Variants in RCOR1 observed in about 807,000 individuals in gnomAD.
RCOR1 encodes the protein REST corepressor.
A neutral mutation model predicts 64.0 loss-of-function variants in RCOR1; 12 were observed. The ratio of observed to expected loss-of-function variants is 0.19; its 90% CI spans 0.12 to 0.30. RCOR1 has a LOEUF of 0.30. RCOR1 is among the 10% of genes least tolerant of loss of function. The probability of loss-of-function intolerance (pLI) is 1.00; values close to 1 mark genes in which losing one functional copy is unlikely to be tolerated. For synonymous variants in RCOR1, 279 were observed against 227.2 expected (o/e 1.23, Z -2.05); for missense variants, 502 against 621.2 (o/e 0.81, Z 2.04).
At chr14:102,655,194 A>G in intron 2 of RCOR1, 1 of 940,536 alleles carries the variant, frequency 1.1e-6, no homozygotes, top group African/African-American at 1.8e-5. Flanking sequence ...CAAAATTAAA[A>G]GATGCAAAAG....
intron 2 of RCOR1, among the ~76,000 whole-genome samples, chr14:102,667,236 C>T (rs1894931977): frequency 6.6e-6 from 1 of 152,094 alleles, no homozygotes; most frequent in Admixed American, 6.6e-5. Flanking sequence ...CGTAGTGGCT[C>T]ACACCTGTAA....
rs187676398 is a variant in RCOR1 at position 102,685,359 on chromosome 14, T to A, written c.445+3381T>A. Among the ~76,000 whole-genome samples, 323 of 152,292 alleles carry A rather than the reference T, an allele frequency of 2.1e-3. 4 individuals are homozygous for A. The highest frequency in any genetic ancestry group is 7.5e-3 in the African/African-American group (313 of 41,562). On this transcript the variant is annotated intron_variant, in intron 3 of 11. Coordinates refer to ENST00000262241, the MANE Select transcript of RCOR1 (RefSeq NM_015156.4). ...GATGTATCATAATTTAGCCTTTTTT[T>A]AAACAAAATTACCTGTATTACCTAT...
chr14:102,618,521 T>G (rs1893809055), intron 2 of RCOR1, among the ~76,000 whole-genome samples: 1 of 151,970 alleles, frequency 6.6e-6, no homozygotes, highest in Non-Finnish European at 1.5e-5. Flanking sequence ...GGTGAGAGGA[T>G]CGCTTGAGCC....
chr14:102,605,475 C>G (rs974673437), intron 2 of RCOR1, among the ~76,000 whole-genome samples: 4 of 152,154 alleles, frequency 2.6e-5, no homozygotes, highest in African/African-American at 9.7e-5. Flanking sequence ...TATAATGGAA[C>G]TAAAAAATTT....
intron 2 of RCOR1, among the ~76,000 whole-genome samples, chr14:102,656,314 A>T (rs1894722880): frequency 6.6e-6 from 1 of 151,332 alleles, no homozygotes; most frequent in South Asian, 2.1e-4. Context: ...TAATTTTTGT[A>T]TTTCAGTAGA....
chr14:102,638,470 C>T (rs12885736), intron 2 of RCOR1, among the ~76,000 whole-genome samples: 10,686 of 151,200 alleles, frequency 0.071, 587 homozygotes, highest in African/African-American at 0.15. Context: ...CTCAGCCTCC[C>T]GAGTAGCTGG....
At chr14:102,679,271 GT>G (rs1280410597) in intron 2 of RCOR1, among the ~76,000 whole-genome samples, 4 of 151,988 alleles carry the variant, frequency 2.6e-5, no homozygotes, top group African/African-American at 9.7e-5. Context: ...TCTGTCATCT[GT>G]TTTGAGATAA....
At chr14:102,598,121 T>C (rs923162545) in intron 2 of RCOR1, among the ~76,000 whole-genome samples, 3 of 151,874 alleles carry the variant, frequency 2.0e-5, no homozygotes, top group Non-Finnish European at 4.4e-5. Flanking sequence ...TGCGCAGCCC[T>C]AATTTTGGTA....
chr14:102,726,206 A>G (rs562865831), intron 11 of RCOR1, among the ~76,000 whole-genome samples: 1 of 151,966 alleles, frequency 6.6e-6, no homozygotes, highest in African/African-American at 2.4e-5. Flanking sequence ...AGGTGCCTGT[A>G]GTTGCGGCTA....
intron 3 of RCOR1, among the ~76,000 whole-genome samples, chr14:102,685,925 T>TA (rs573656546): frequency 0.01 from 1,575 of 150,492 alleles, 16 homozygotes; most frequent in Admixed American, 0.016. Context: ...TCCCCTCTAT[T>TA]AAAAAAAAAC....
intron 2 of RCOR1, among the ~76,000 whole-genome samples, chr14:102,633,328 A>G (rs1894166406): frequency 6.6e-6 from 1 of 151,712 alleles, no homozygotes; most frequent in African/African-American, 2.4e-5. Context: ...GATTCAGGAA[A>G]CTCCATACTT....
rs920796603 is a variant in RCOR1 at position 102,729,259 on chromosome 14, T to A, written c.*2753T>A. The A allele has an allele frequency of 6.5e-6, 1 of 152,698 alleles. No individual in the cohort carries two copies. The highest frequency in any genetic ancestry group is 1.5e-5 in the Non-Finnish European group (1 of 68,050). 9.5% of individuals were successfully genotyped at this position (152,698 alleles called of 1,614,324 possible). ...TAAAAGTTTGTTTTATTTAATTTTA[T>A]GTAGATGTGTGAAGTGTTAGGTAAA... On this transcript the variant is annotated 3_prime_UTR_variant, in exon 12 of 12. Coordinates refer to ENST00000262241, the MANE Select transcript of RCOR1 (RefSeq NM_015156.4).
intron 11 of RCOR1, among the ~76,000 whole-genome samples, chr14:102,724,203 C>G (rs375922375): frequency 2.0e-5 from 3 of 152,144 alleles, no homozygotes; most frequent in Non-Finnish European, 4.4e-5. Context: ...ATTTACCCAG[C>G]CTTCTCTGCA....
In RCOR1 at chr14:102,714,478, C is replaced by T; in HGVS notation, c.914C>T (p.Ala305Val). Reference sequence around the variant, plus strand: ...AAAAAAGAAAAACATAGCACACAAGCTAAAAATAGAGCAAAAAGGAAACCT... The same window carrying T: ...AAAAAAGAAAAACATAGCACACAAGTTAAAAATAGAGCAAAAAGGAAACCT... ...QVKKEKHSTQ[A>V]KNRAKRKPPK... Residue 305 changes from alanine to valine, a missense_variant, in exon 8 of 12, where the codon GCT becomes GTT. Physicochemically the swap from Ala to Val is moderately conservative, Grantham distance 64 (BLOSUM62 0). This residue lies in a region of RCOR1 where 260 missense variants were observed against 416.4 expected (regional missense o/e 0.62). Transcript: ENST00000262241. 6.2e-7 allele frequency: 1 copy of T among 1,613,586 alleles called. No homozygotes were observed. The highest frequency in any genetic ancestry group is 1.7e-4 in the Middle Eastern group (1 of 6,060).
chr14:102,602,807 G>C (rs376135870), intron 2 of RCOR1, among the ~76,000 whole-genome samples: 1 of 151,632 alleles, frequency 6.6e-6, no homozygotes, highest in South Asian at 2.1e-4. Context: ...CAGGGCTCAA[G>C]TGATCCTCCT....
intron 6 of RCOR1, 39 bp from the exon 7 acceptor site, chr14:102,710,896 T>TA: frequency 1.4e-6 from 2 of 1,434,456 alleles, no homozygotes; most frequent in Non-Finnish European, 1.9e-6. Context: ...GGAAAATTAG[T>TA]ACAAAATAAT....
intron 2 of RCOR1, among the ~76,000 whole-genome samples, chr14:102,627,960 GGT>G (rs3069199): frequency 5.4e-5 from 8 of 148,958 alleles, no homozygotes; most frequent in South Asian, 2.1e-4. Flanking sequence ...ATTTAAAAGG[GGT>G]GTGTGTGTGT....
chr14:102,601,438 G>A (rs530565789), intron 2 of RCOR1, among the ~76,000 whole-genome samples: 76 of 152,326 alleles, frequency 5.0e-4, no homozygotes, highest in Non-Finnish European at 5.6e-4. Context: ...CTTCTGAGAA[G>A]CAGATGACAA....
chr14:102,669,625 T>C (rs1211402885), intron 2 of RCOR1, among the ~76,000 whole-genome samples: 3 of 152,222 alleles, frequency 2.0e-5, no homozygotes, highest in African/African-American at 7.2e-5. Context: ...ATAGGTGTGA[T>C]GTTGGGCAGC....
Sources: allele counts gnomAD v4.1 joint callset (sites outside exome capture counted in the v4.1 genomes callset), GRCh38; gene constraint gnomAD v4.1.1; regional missense constraint gnomAD v4.1.1; transcripts MANE v1.5; gene names NCBI Gene and HGNC (gene_info 2026-07-23, HGNC 2026-07-21).